PACS1: variants seen among roughly 807,000 people sequenced by gnomAD.
The protein encoded by PACS1 is phosphofurin acidic cluster sorting protein 1, also known as PACS-1.
Under a neutral mutation model 115.0 loss-of-function variants are expected in PACS1, and 24 were observed. The ratio of observed to expected loss-of-function variants is 0.21; its 90% CI spans 0.15 to 0.29. The LOEUF (loss-of-function observed/expected upper bound fraction) is 0.29. PACS1 is among the 10% of genes least tolerant of loss of function. PACS1 has a pLI of 1.00. For missense variants in PACS1, 838 were observed against 1,251.2 expected (o/e 0.67, Z 4.98); for synonymous variants, 453 against 504.5 (o/e 0.90, Z 1.37).
chr11:66,219,645 C>T (rs1418922053), intron 7 of PACS1, 101 bp from the exon 8 acceptor site: 1 of 913,930 alleles, frequency 1.1e-6, no homozygotes, highest in African/African-American at 1.6e-5. Context: ...TTCGTGTCTT[C>T]CCACAGCTCG....
At chr11:66,171,858 C>T (rs1859747416) in intron 1 of PACS1, among the ~76,000 whole-genome samples, 1 of 151,866 alleles carries the variant, frequency 6.6e-6, no homozygotes, top group South Asian at 2.1e-4. Flanking sequence ...GGATTACAGG[C>T]TTGAGCCACC....
At position 66,089,058 on chromosome 11, in the gene PACS1, A is replaced by G. The variant is rs573515207; in HGVS notation, c.356+18216A>G. ...GACTCTTTTTTAAGCTGTAGGCCCTACAAAACCTCATTCTATCCCTGGGCA... is the reference window on the plus strand; with the variant it reads ...GACTCTTTTTTAAGCTGTAGGCCCTGCAAAACCTCATTCTATCCCTGGGCA... On this transcript the variant is annotated intron_variant, in intron 1 of 23. Transcript: ENST00000320580. Among the ~76,000 whole-genome samples the G allele has an allele frequency of 1.6e-4, 24 of 152,326 alleles. No homozygotes were observed. The East Asian group carries it at 4.6e-3, about 29-fold the overall frequency.
chr11:66,203,946 A>C (rs564989684), intron 2 of PACS1, among the ~76,000 whole-genome samples: 1 of 152,334 alleles, frequency 6.6e-6, no homozygotes, highest in African/African-American at 2.4e-5. Flanking sequence ...TAAAATAATA[A>C]AAATAAAAGA....
Position 66,070,925 on chromosome 11 carries a change from G to T in PACS1, c.356+83G>T. The T allele has an allele frequency of 7.7e-7, 1 of 1,299,070 alleles. No homozygotes were observed. Among genetic ancestry groups the T allele is most frequent in the Non-Finnish European group, 9.9e-7 (1 of 1,011,770 alleles). 80.5% of individuals were successfully genotyped at this position (1,299,070 alleles called of 1,614,324 possible). A position where few individuals can be genotyped will look rare whatever the true frequency, so the allele number is the denominator to read the frequency against. ...GCCCTCCCCGCCCCAGCGCCCATGG[G>T]GTCCCCGCCCTCCATCTCCCCGACT... On this transcript the variant is annotated intron_variant, in intron 1 of 23. Transcript: ENST00000320580. The surrounding 1 kb of genome is among the most constrained non-coding windows in gnomAD (Gnocchi z 5.9).
chr11:66,086,991 A>G (rs550780556), intron 1 of PACS1, among the ~76,000 whole-genome samples: 3 of 152,148 alleles, frequency 2.0e-5, no homozygotes, highest in Non-Finnish European at 4.4e-5. Context: ...TTGGAATGTC[A>G]TGTACACTCA....
Position 66,081,245 on chromosome 11 carries a change from AAAAG to A in PACS1, c.356+10415_356+10418del, listed in dbSNP as rs955058524. 3.2e-3 allele frequency among the ~76,000 whole-genome samples: 488 copies of A among 152,190 alleles called. 2 individuals are homozygous for A. Among genetic ancestry groups the A allele is most frequent in the African/African-American group, 0.011 (441 of 41,488 alleles). Reference sequence around the variant, plus strand: ...AAGACCCTGTCTCAAAAAAAAAGAAAAAAGAAAGAAAGAAAAGAAAAGTCCCTGT... The same window carrying A: ...AAGACCCTGTCTCAAAAAAAAAGAAAAAAGAAAGAAAAGAAAAGTCCCTGT... On this transcript the variant is annotated intron_variant, in intron 1 of 23. Transcript: ENST00000320580.
chr11:66,113,793 A>C (rs1858240738), intron 1 of PACS1, among the ~76,000 whole-genome samples: 1 of 152,182 alleles, frequency 6.6e-6, no homozygotes, highest in African/African-American at 2.4e-5. Context: ...ATTTAGTATC[A>C]AGTCTAATTT....
chr11:66,172,307 C>A (rs1452571003), intron 1 of PACS1, among the ~76,000 whole-genome samples: 1 of 152,164 alleles, frequency 6.6e-6, no homozygotes, highest in Non-Finnish European at 1.5e-5. Context: ...ACGCCCACAC[C>A]GAAGAGGGCT....
At position 66,227,474 on chromosome 11, in the gene PACS1, A is replaced by C. The variant is rs767405869; in HGVS notation, c.1294-30A>C. 9 of 1,222,486 alleles carry C rather than the reference A, an allele frequency of 7.4e-6. No homozygotes were observed. The Admixed American group carries it at 1.4e-4, about 19-fold the overall frequency. The allele number at this position is 1,222,486 out of a possible 1,614,324, so 75.7% of individuals were successfully genotyped here. A position where few individuals can be genotyped will look rare whatever the true frequency, so the allele number is the denominator to read the frequency against. On this transcript the variant is annotated intron_variant, in intron 10 of 23. Coordinates refer to ENST00000320580, the MANE Select transcript of PACS1 (RefSeq NM_018026.4). ...AATTAAAGTGGTAGTTATTTGGATCAGTGATAACTAATTCTTATAATTTTT... is the reference window on the plus strand; with the variant it reads ...AATTAAAGTGGTAGTTATTTGGATCCGTGATAACTAATTCTTATAATTTTT...
chr11:66,093,648 G>T (rs2134516252), intron 1 of PACS1, among the ~76,000 whole-genome samples: 1 of 149,704 alleles, frequency 6.7e-6, no homozygotes, highest in East Asian at 2.0e-4. Context: ...AAGATAGAAA[G>T]TTAACAAGGA....
chr11:66,121,493 A>C (rs1055400777), intron 1 of PACS1, among the ~76,000 whole-genome samples: 4 of 152,232 alleles, frequency 2.6e-5, no homozygotes, highest in Admixed American at 2.6e-4. Flanking sequence ...AAGCCAAGAC[A>C]GGCTAAAAAC....
rs1025087429 is a variant in PACS1, at chr11:66,236,432, G to T, written c.2250+492G>T. Reference sequence around the variant, plus strand: ...TGGAAGGCAGCATTCAGAAAAGTCTGAAAACAGATACTTCTGTCTTCATGG... The same window carrying T: ...TGGAAGGCAGCATTCAGAAAAGTCTTAAAACAGATACTTCTGTCTTCATGG... On this transcript the variant is annotated intron_variant, in intron 19 of 23. Coordinates refer to ENST00000320580, the MANE Select transcript of PACS1 (RefSeq NM_018026.4). The surrounding 1 kb of genome is among the most constrained non-coding windows in gnomAD (Gnocchi z 4.2). 6.6e-6 allele frequency among the ~76,000 whole-genome samples: 1 copy of T among 152,238 alleles called. No homozygotes were observed. Among genetic ancestry groups the T allele is most frequent in the African/African-American group, 2.4e-5 (1 of 41,468 alleles).
At chr11:66,078,215 T>C (rs1857427003) in intron 1 of PACS1, among the ~76,000 whole-genome samples, 2 of 152,242 alleles carry the variant, frequency 1.3e-5, no homozygotes, top group Admixed American at 6.5e-5. Context: ...CAGGTCATTT[T>C]GGCAAAAACA....
chr11:66,193,773 C>G (rs1846136058), intron 2 of PACS1, among the ~76,000 whole-genome samples, 200 bp downstream of exon 2: 1 of 152,218 alleles, frequency 6.6e-6, no homozygotes, highest in Admixed American at 6.5e-5. Context: ...TCAGTTTCTT[C>G]AAACCTATCT....
chr11:66,100,947 C>G, intron 1 of PACS1: 1 of 455,950 alleles, frequency 2.2e-6, no homozygotes, highest in Admixed American at 2.3e-5. Context: ...AGTGCCTGTC[C>G]TCCTCCAGCG....
intron 1 of PACS1, among the ~76,000 whole-genome samples, chr11:66,115,562 AT>A (rs1858286622): frequency 6.6e-6 from 1 of 152,230 alleles, no homozygotes; most frequent in Non-Finnish European, 1.5e-5. Flanking sequence ...AGGTAGATGG[AT>A]TTGAATCTTT....
rs985098699 is a variant in PACS1, at chr11:66,236,919, G to A, written c.2250+979G>A. Reference sequence around the variant, plus strand: ...TGGGACCATAGGTACATGCCACCACGCCTGGCTAATTTTTTTTTGAGACAG... The same window carrying A: ...TGGGACCATAGGTACATGCCACCACACCTGGCTAATTTTTTTTTGAGACAG... On this transcript the variant is annotated intron_variant, in intron 19 of 23. Transcript: ENST00000320580. This position sits in a 1 kb window ranked among gnomAD's most constrained non-coding sequence, Gnocchi z 4.2. 6.6e-6 allele frequency among the ~76,000 whole-genome samples: 1 copy of A among 151,278 alleles called. No individual in the cohort carries two copies. The highest frequency in any genetic ancestry group is 2.1e-4 in the South Asian group (1 of 4,772).
At chr11:66,232,371 G>T in intron 14 of PACS1, 95 bp downstream of exon 14, 1 of 709,540 alleles carries the variant, frequency 1.4e-6, no homozygotes, top group South Asian at 1.7e-5. Flanking sequence ...TGCGTGGGGA[G>T]GTGGGGAACT....
chr11:66,113,214 T>C (rs1242522056), intron 1 of PACS1, among the ~76,000 whole-genome samples: 1 of 152,202 alleles, frequency 6.6e-6, no homozygotes, highest in East Asian at 1.9e-4. Context: ...GTTGAACTGG[T>C]GTCTGACATT....
Sources: allele counts gnomAD v4.1 joint callset (sites outside exome capture counted in the v4.1 genomes callset), GRCh38; gene constraint gnomAD v4.1.1; non-coding constraint Gnocchi (gnomAD v3.1); transcripts MANE v1.5; gene names NCBI Gene and HGNC (gene_info 2026-07-23, HGNC 2026-07-21).